The following TTLL7 variants were observed in gnomAD, a reference collection of about 807,000 sequenced individuals.
The protein encoded by TTLL7 is tubulin polyglutamylase TTLL7.
In TTLL7, 53 loss-of-function variants were observed where a neutral mutation model predicts 120.2. The observed-to-expected ratio is 0.44, with a 90% CI of 0.35 to 0.55. The LOEUF (loss-of-function observed/expected upper bound fraction) is 0.55, where lower values mean the gene tolerates loss of function less well. Ranked by LOEUF, TTLL7 falls within the 20% of genes least tolerant of loss-of-function variation. The pLI is 0.00. For missense variants in TTLL7, 803 were observed against 1,054.7 expected, an observed-to-expected ratio of 0.76 and a Z score of 3.31; for synonymous variants, 353 against 351.7, an observed-to-expected ratio of 1.00 and a Z score of -0.04.
Position 83,949,969 on chromosome 1 carries a change from C to T in TTLL7, c.175G>A (p.Glu59Lys). The change falls in exon 4 of 21, where the codon GAA becomes AAA. Residue 59 changes from glutamate (E) to lysine (K), a missense_variant. Physicochemically the swap from Glu to Lys is moderately conservative, Grantham distance 56. Around this residue, in one of 3 missense-constraint regions of TTLL7, gnomAD observed 91 missense variants for 96.6 expected, o/e 0.94. Coordinates refer to ENST00000260505, the MANE Select transcript of TTLL7 (RefSeq NM_024686.6). ...KFEIVRLVID[E>K]MGFMKTPDED... The stretch of plus-strand genomic sequence containing the variant: ...TCTGGAGTTTTCATAAATCCCATTT[C>T]ATCTATTACTAAACGAACTGCAAGT... 6.2e-7 allele frequency: 1 copy of T among 1,612,710 alleles called. No individual in the cohort carries two copies. The highest frequency in any genetic ancestry group is 1.1e-5 in the South Asian group (1 of 90,840).
At position 83,892,657 on chromosome 1, in the gene TTLL7, A is replaced by T. The variant is rs201601080; in HGVS notation, c.2209-2176T>A. ...GAATGAACATATATATGAACATATG[A>T]ATGAACATATATATGAACATATGAA... On this transcript the variant is annotated intron_variant, in intron 18 of 20. Coordinates refer to ENST00000260505, the MANE Select transcript of TTLL7 (RefSeq NM_024686.6). Among the ~76,000 whole-genome samples, 1,131 of 117,598 alleles carry T rather than the reference A, an allele frequency of 9.6e-3. 7 individuals are homozygous for T. Among genetic ancestry groups the T allele is most frequent in the East Asian group, 0.019 (84 of 4,394 alleles). The allele number at this position is 117,598 out of a possible 152,430, so 77.1% of individuals were successfully genotyped here.
At chr1:83,879,046 C>A (rs887573387) in intron 20 of TTLL7, among the ~76,000 whole-genome samples, 10 of 151,798 alleles carry the variant, frequency 6.6e-5, no homozygotes, top group African/African-American at 2.2e-4. Context: ...TAAGTTATTT[C>A]TATCAGGTAC....
chr1:83,904,142 C>T lies in TTLL7; in HGVS notation c.2145G>A (p.Lys715=). 6.2e-7 allele frequency: 1 copy of T among 1,611,756 alleles called. No individual in the cohort carries two copies. The highest frequency in any genetic ancestry group is 1.1e-5 in the South Asian group (1 of 90,870). ...LLIEDIIDNW[K]YHKTKVASYW... Reference sequence around the variant, plus strand: ...ATGAAGCCACTTTGGTTTTATGATACTTCCAGTTATCAATGATCTGTTTGG... The same window carrying T: ...ATGAAGCCACTTTGGTTTTATGATATTTCCAGTTATCAATGATCTGTTTGG... The change falls in exon 18 of 21, where the codon AAG becomes AAA. Residue 715 remains lysine (K), a synonymous_variant. Transcript: ENST00000260505.
At position 83,901,468 on chromosome 1, in the gene TTLL7, G is replaced by A. The variant is rs192776006; in HGVS notation, c.2208+2611C>T. On this transcript the variant is annotated intron_variant, in intron 18 of 20. Coordinates refer to ENST00000260505, the MANE Select transcript of TTLL7 (RefSeq NM_024686.6). ...ACATTTATCCTGTATTATTAATATC[G>A]TACTCTCTACTTTTTTAAATTAGCA... Among the ~76,000 whole-genome samples the A allele has an allele frequency of 1.6e-3, 236 of 151,830 alleles. 2 individuals are homozygous for A. Among genetic ancestry groups the A allele is most frequent in the African/African-American group, 5.4e-3 (223 of 41,436 alleles).
intron 10 of TTLL7, among the ~76,000 whole-genome samples, chr1:83,925,406 T>C (rs186423147): frequency 1.1e-4 from 17 of 152,276 alleles, no homozygotes; most frequent in Admixed American, 9.2e-4. Context: ...CCAGTACCTA[T>C]TGCAGTGGTA....
intron 7 of TTLL7, among the ~76,000 whole-genome samples, chr1:83,939,185 T>C (rs1647701496): frequency 6.6e-6 from 1 of 152,178 alleles, no homozygotes; most frequent in Non-Finnish European, 1.5e-5. Flanking sequence ...TTAAATTAAA[T>C]GATACTTAAA....
At chr1:83,973,124 T>TA (rs1014747532) in intron 1 of TTLL7, among the ~76,000 whole-genome samples, 4 of 152,100 alleles carry the variant, frequency 2.6e-5, no homozygotes, top group African/African-American at 9.7e-5. Flanking sequence ...CCTTTGGTGT[T>TA]ATAGTTAAAA....
In TTLL7 at chr1:83,892,621, T is replaced by A. The variant is rs571806155; in HGVS notation, c.2209-2140A>T. Among the ~76,000 whole-genome samples the A allele has an allele frequency of 2.3e-3, 334 of 144,394 alleles. 3 individuals are homozygous for A. Among genetic ancestry groups the A allele is most frequent in the African/African-American group, 8.1e-3 (318 of 39,024 alleles). The allele number at this position is 144,394 out of a possible 152,430, so 94.7% of individuals were successfully genotyped here. On this transcript the variant is annotated intron_variant, in intron 18 of 20. Transcript: ENST00000260505. Reference sequence around the variant, plus strand: ...GAATGAACATATATATGAACATATATATGAACATATGAATGAACATATATA... The same window carrying A: ...GAATGAACATATATATGAACATATAAATGAACATATGAATGAACATATATA...
chr1:83,944,363 A>G (rs1426584684), intron 6 of TTLL7, among the ~76,000 whole-genome samples: 2 of 152,218 alleles, frequency 1.3e-5, no homozygotes, highest in African/African-American at 2.4e-5. Context: ...CATTATATAC[A>G]TTATAATCAA....
chr1:83,916,798 A>C (rs906009958), intron 14 of TTLL7, among the ~76,000 whole-genome samples: 1 of 152,156 alleles, frequency 6.6e-6, no homozygotes, highest in Non-Finnish European at 1.5e-5. Context: ...GACATATATC[A>C]GAAGAACAGC....
At chr1:83,938,160 A>C in intron 7 of TTLL7, 144 bp from the exon 8 acceptor site, 2 of 706,632 alleles carry the variant, frequency 2.8e-6, no homozygotes, top group Non-Finnish European at 2.4e-6. Flanking sequence ...TATTTAGATA[A>C]TATCCCAATT....
intron 18 of TTLL7, among the ~76,000 whole-genome samples, chr1:83,897,866 A>AAAAG (rs548437639): frequency 1.6e-4 from 4 of 24,774 alleles, no homozygotes; most frequent in Non-Finnish European, 4.7e-4. Context: ...GTTTTCCATT[A>AAAAG]AAAAAAAAAA....
intron 19 of TTLL7, chr1:83,887,402 G>C: frequency 4.1e-6 from 1 of 245,016 alleles, no homozygotes; most frequent in Non-Finnish European, 8.1e-6. Flanking sequence ...CATTGAGAAG[G>C]CATGATTCAA....
At chr1:83,957,430 A>G (rs1020248787) in intron 1 of TTLL7, among the ~76,000 whole-genome samples, 14 of 152,230 alleles carry the variant, frequency 9.2e-5, no homozygotes, top group African/African-American at 3.1e-4. Flanking sequence ...AATATTAAAT[A>G]AAAACATAAT....
rs192250376 is a variant in TTLL7 at position 83,993,182 on chromosome 1, C to T, written c.-177+5749G>A. Among the ~76,000 whole-genome samples, 6 of 152,162 alleles carry T rather than the reference C, an allele frequency of 3.9e-5. No homozygotes were observed. In the East Asian group the frequency reaches 1.2e-3, roughly 29 times the overall value. Reference sequence around the variant, plus strand: ...AGTTTAAGTGGAGTCATTTCACTTACAAAACAAAAATAGTCCTACCTTACA... The same window carrying T: ...AGTTTAAGTGGAGTCATTTCACTTATAAAACAAAAATAGTCCTACCTTACA... On this transcript the variant is annotated intron_variant, in intron 1 of 20. Transcript: ENST00000260505.
chr1:83,963,852 A>C (rs905863570), intron 1 of TTLL7, among the ~76,000 whole-genome samples: 64 of 152,136 alleles, frequency 4.2e-4, no homozygotes, highest in African/African-American at 1.4e-3. Context: ...ACAGTTTTCA[A>C]ATCCCACTAA....
At chr1:83,938,130 T>G in intron 7 of TTLL7, 114 bp from the exon 8 acceptor site, 1 of 842,012 alleles carries the variant, frequency 1.2e-6, no homozygotes, top group East Asian at 2.5e-5. Context: ...TTAAACTACA[T>G]AGATGAACAA....
intron 1 of TTLL7, among the ~76,000 whole-genome samples, chr1:83,956,414 T>A (rs1557732800): frequency 6.7e-6 from 1 of 149,012 alleles, no homozygotes; most frequent in Non-Finnish European, 1.5e-5. Flanking sequence ...CATGAGCTAC[T>A]GCACCTAGCC....
chr1:83,958,686 GA>G (rs1447546542), intron 1 of TTLL7, among the ~76,000 whole-genome samples: 1 of 152,074 alleles, frequency 6.6e-6, no homozygotes, highest in Admixed American at 6.5e-5. Context: ...TTTCTCATAT[GA>G]AAGAGAATAA....
Sources: gnomAD v4.1 joint callset for allele counts (sites outside exome capture counted in the v4.1 genomes callset) on GRCh38, gnomAD v4.1.1 for gene constraint, gnomAD v4.1.1 regional missense constraint, MANE v1.5 for transcripts, NCBI Gene and HGNC (gene_info 2026-07-23, HGNC 2026-07-21) for gene names.